RAB13: variants seen among roughly 807,000 people sequenced by gnomAD.
The protein encoded by RAB13 is ras-related protein Rab-13.
Under a neutral mutation model 29.3 loss-of-function variants are expected in RAB13, and 15 were observed. The observed-to-expected ratio is 0.51, with a 90% CI of 0.34 to 0.79. The LOEUF is 0.79. Among genes scored for constraint, RAB13 ranks in the 30% least tolerant of loss-of-function variants. RAB13 has a pLI of 0.01. For missense variants in RAB13, 186 were observed against 255.5 expected, an observed-to-expected ratio of 0.73 and a Z score of 1.85; for synonymous variants, 82 against 93.8, an observed-to-expected ratio of 0.87 and a Z score of 0.73.
At chr1:153,990,639 G>T (rs1050971053), upstream of RAB13, 12 of 888,482 alleles carry the variant, frequency 1.4e-5, no homozygotes, top group Admixed American at 1.4e-4. Flanking sequence ...TCCGAAAATG[G>T]CAGCTCCCTT....
At chr1:153,987,862 G>A (rs1197618054), upstream of RAB13, among the ~76,000 whole-genome samples, 1 of 151,664 alleles carries the variant, frequency 6.6e-6, no homozygotes, top group Admixed American at 6.6e-5. Context: ...GGACAGAAGT[G>A]GGCAGAACAC....
chr1:153,988,736 C>T (rs1292281864), upstream of RAB13, among the ~76,000 whole-genome samples: 1 of 149,428 alleles, frequency 6.7e-6, no homozygotes, highest in African/African-American at 2.4e-5. Context: ...GCCTCAGCCT[C>T]GCGAGTAGCT....
chr1:153,990,686 A>C (rs1470379763), upstream of RAB13: 12 of 1,469,984 alleles, frequency 8.2e-6, no homozygotes, highest in Non-Finnish European at 1.1e-5. Context: ...AAGACGTTCC[A>C]AACATGGTGG....
At chr1:153,985,465 T>C (rs1433123921) in intron 1 of RAB13, 2 of 747,250 alleles carry the variant, frequency 2.7e-6, no homozygotes, top group African/African-American at 1.9e-5. Context: ...TGGGGGCCCC[T>C]GGGAGGAGGA....
upstream of RAB13, chr1:153,986,471 C>A: frequency 1.9e-6 from 1 of 527,134 alleles, no homozygotes; most frequent in Non-Finnish European, 3.4e-6. Flanking sequence ...CTCGGTTTTC[C>A]CTTCCTAGCT....
At chr1:153,989,239 AATTATT>A (rs535397163), upstream of RAB13, among the ~76,000 whole-genome samples, 27 of 136,404 alleles carry the variant, frequency 2.0e-4, 1 homozygote, top group African/African-American at 5.0e-4. Flanking sequence ...GCAAAGAAAA[AATTATT>A]ATTATTATTA....
At chr1:153,990,078 GTTTA>G (rs1008501466), upstream of RAB13, among the ~76,000 whole-genome samples, 5 of 151,786 alleles carry the variant, frequency 3.3e-5, no homozygotes, top group Admixed American at 2.6e-4. Flanking sequence ...TGTCTCCCCT[GTTTA>G]TTTATTTATT....
chr1:153,988,717 G>C (rs543936197), upstream of RAB13, among the ~76,000 whole-genome samples: 9 of 149,290 alleles, frequency 6.0e-5, no homozygotes, highest in Admixed American at 2.0e-4. Flanking sequence ...TGGTTCAAGC[G>C]ATTCTCCTGC....
rs372691843 is a variant in RAB13, at chr1:153,982,332, CACAT to C, written c.534+55_534+58del. 7.7e-4 allele frequency: 1,070 copies of C among 1,395,100 alleles called. 3 individuals carry two copies. In the African/African-American group the frequency reaches 8.5e-3, roughly 11 times the overall value. 86.4% of individuals were successfully genotyped at this position (1,395,100 alleles called of 1,614,324 possible). A position where few individuals can be genotyped will look rare whatever the true frequency, so the allele number is the denominator to read the frequency against. ...ACACACACACACACACACACACACA[CACAT>C]ACATACACACACACACACCCCAGAG... is the stretch of plus-strand genomic sequence containing the variant. On this transcript the variant is annotated intron_variant, in intron 7 of 7. Transcript: ENST00000368575.
At chr1:153,989,374 C>T (rs111961917), upstream of RAB13, among the ~76,000 whole-genome samples, 72 of 151,254 alleles carry the variant, frequency 4.8e-4, 1 homozygote, top group African/African-American at 1.4e-3. Context: ...CTCAGCCTCC[C>T]GAGTAGCTGG....
intron 1 of RAB13, 58 bp downstream of exon 1, chr1:153,986,055 G>A: frequency 1.2e-6 from 2 of 1,607,460 alleles, no homozygotes; most frequent in Admixed American, 1.7e-5. Flanking sequence ...AGTAATCCGG[G>A]AGCCGGAGAA....
Position 153,982,114 on chromosome 1 carries a change from C to G in RAB13, c.597G>C (p.Lys199Asn). Residue 199 changes from lysine to asparagine, a missense_variant, in exon 8 of 8, where the codon AAG (lysine) becomes AAC (asparagine). Transcript: ENST00000368575. The stretch of plus-strand genomic sequence containing the variant: ...GAAAGGGTCCTCAGCCCAGGGAGCA[C>G]TTGTTGGTGTTCTTCTTGTCACAAG... ...LKTCDKKNTNKCSLG is the reference protein window; with the variant it reads ...LKTCDKKNTNNCSLG The G allele has an allele frequency of 1.9e-6, 3 of 1,613,806 alleles. No individual in the cohort carries two copies. Among genetic ancestry groups the G allele is most frequent in the Non-Finnish European group, 2.5e-6 (3 of 1,180,004 alleles).
chr1:153,983,308 C>A lies in RAB13; in HGVS notation c.247-12G>T. 1 of 1,610,650 alleles carries A rather than the reference C, an allele frequency of 6.2e-7. No individual in the cohort carries two copies. The highest frequency in any genetic ancestry group is 8.5e-7 in the Non-Finnish European group (1 of 1,176,898). ...ACTAGGATAATGCCCTGGGAGATGA[C>A]AAAATTCACCTTGGACCATGTTCCC... On this transcript the variant is annotated splice_polypyrimidine_tract_variant and intron_variant, in intron 3 of 7. Transcript: ENST00000368575.
chr1:153,989,871 A>G (rs1649300975), upstream of RAB13, among the ~76,000 whole-genome samples: 1 of 151,864 alleles, frequency 6.6e-6, no homozygotes, highest in African/African-American at 2.4e-5. Context: ...CAGCCTGGGC[A>G]ACAAGAGCAA....
chr1:153,985,931 GGT>G (rs1649150180), intron 1 of RAB13, 180 bp downstream of exon 1: 1 of 1,049,132 alleles, frequency 9.5e-7, no homozygotes, highest in Admixed American at 3.1e-5. Context: ...GCCTCAGAGA[GGT>G]GAGAGGTTTG....
chr1:153,989,451 G>A (rs56296575), upstream of RAB13, among the ~76,000 whole-genome samples: 976 of 148,814 alleles, frequency 6.6e-3, 2 homozygotes, highest in Non-Finnish European at 0.011. Flanking sequence ...GGGTTTCACC[G>A]TGCTAGCCAG....
In RAB13 at chr1:153,984,724, A is replaced by G. The variant is rs1649105242; in HGVS notation, c.182T>C (p.Val61Ala). ...GCATCCCAGAGGACTGACTTACCAGACTTGTAGTTTGATCTTCTTCCCCTC... is the reference window on the plus strand; with the variant it reads ...GCATCCCAGAGGACTGACTTACCAGGCTTGTAGTTTGATCTTCTTCCCCTC... ...DIEGKKIKLQ[V>A]WDTAGQERFK... Residue 61 changes from valine (V) to alanine (A), a missense_variant, in exon 2 of 8, where the codon GTC (valine) becomes GCC (alanine). Coordinates refer to ENST00000368575, the MANE Select transcript of RAB13 (RefSeq NM_002870.5). 1 of 1,613,078 alleles carries G rather than the reference A, an allele frequency of 6.2e-7. No homozygotes were observed. Among genetic ancestry groups the G allele is most frequent in the Non-Finnish European group, 8.5e-7 (1 of 1,179,324 alleles).
intron 5 of RAB13, 53 bp downstream of exon 5, chr1:153,982,666 C>G: frequency 1.2e-6 from 2 of 1,610,856 alleles, no homozygotes; most frequent in Non-Finnish European, 1.7e-6. Context: ...GCAATGCAAC[C>G]TATCTTGGCC....
chr1:153,982,522 G>T lies in RAB13; in HGVS notation c.480+13C>A. 3 of 1,610,814 alleles carry T rather than the reference G, an allele frequency of 1.9e-6. No homozygotes were observed. The highest frequency in any genetic ancestry group is 2.5e-6 in the Non-Finnish European group (3 of 1,176,964). ...CTTCCTCTCTTGGTCGGGGATGGGG[G>T]TGTGGATCTCACCTCATCCACATTC... On this transcript the variant is annotated intron_variant, in intron 6 of 7. Transcript: ENST00000368575.
Sources: allele counts gnomAD v4.1 joint callset (sites outside exome capture counted in the v4.1 genomes callset), GRCh38; gene constraint gnomAD v4.1.1; transcripts MANE v1.5; gene names NCBI Gene and HGNC (gene_info 2026-07-23, HGNC 2026-07-21).